The following MAML1 variants were observed in gnomAD, a reference collection of about 807,000 sequenced individuals.
The protein encoded by MAML1 is mastermind-like protein 1.
A neutral mutation model predicts 77.1 loss-of-function variants in MAML1; 14 were observed. The ratio of observed to expected loss-of-function variants is 0.18; its 90% confidence interval spans 0.12 to 0.28. The LOEUF (loss-of-function observed/expected upper bound fraction) is 0.28, where lower values mean the gene tolerates loss of function less well. MAML1 is among the 10% of genes least tolerant of loss of function. The pLI, the probability that MAML1 is intolerant of heterozygous loss-of-function variation, is 1.00. For synonymous variants in MAML1, 516 were observed against 551.9 expected, an observed-to-expected ratio of 0.93 and a Z score of 0.91; for missense variants, 1,217 against 1,327.8, an observed-to-expected ratio of 0.92 and a Z score of 1.30.
rs1266400148 is a variant in MAML1 at position 179,733,358 on chromosome 5, C to T, written c.246C>T (p.Ala82=). Residue 82 remains alanine (A), a synonymous_variant, in exon 1 of 5, where the codon GCC becomes GCT. Transcript: ENST00000292599. ...GKHRQPPAAT[A]PAPAAPAPRL... is the part of the protein sequence containing the mutation. Reference sequence around the variant, plus strand: ...ACAGGCAGCCGCCCGCCGCCACGGCCCCGGCGCCCGCCGCCCCGGCCCCGC... The same window carrying T: ...ACAGGCAGCCGCCCGCCGCCACGGCTCCGGCGCCCGCCGCCCCGGCCCCGC... 69 of 1,243,902 alleles carry T rather than the reference C, an allele frequency of 5.5e-5. No homozygotes were observed. Among genetic ancestry groups the T allele is most frequent in the Non-Finnish European group, 6.8e-5 (68 of 996,194 alleles). 77.1% of individuals were successfully genotyped at this position (1,243,902 alleles called of 1,614,324 possible).
intron 1 of MAML1, among the ~76,000 whole-genome samples, chr5:179,746,212 G>A (rs1320474873): frequency 6.6e-6 from 1 of 151,776 alleles, no homozygotes; most frequent in African/African-American, 2.4e-5. Flanking sequence ...CGGGTGTGGT[G>A]GCTGTTGCCT....
chr5:179,734,562 G>T lies in MAML1; in HGVS notation c.315+1135G>T, dbSNP rs147546565. On this transcript the variant is annotated intron_variant, in intron 1 of 4. Coordinates refer to ENST00000292599, the MANE Select transcript of MAML1 (RefSeq NM_014757.5). The stretch of plus-strand genomic sequence containing the variant: ...AACCACTCAGATTTCATTGCTTATT[G>T]TATCAACTGGTCAAGCCTTCTCATC... 6.1e-3 allele frequency among the ~76,000 whole-genome samples: 931 copies of T among 152,290 alleles called. 6 individuals carry two copies. Among genetic ancestry groups the T allele is most frequent in the Middle Eastern group, 0.014 (4 of 294 alleles).
At position 179,765,421 on chromosome 5, in the gene MAML1, T is replaced by G. The variant is rs1779798429; in HGVS notation, c.411T>G (p.His137Gln). 6.2e-7 allele frequency: 1 copy of G among 1,614,102 alleles called. No individual in the cohort carries two copies. Among genetic ancestry groups the G allele is most frequent in the Non-Finnish European group, 8.5e-7 (1 of 1,180,038 alleles). The change falls in exon 2 of 5, where the codon CAT becomes CAG. Residue 137 changes from histidine to glutamine, a missense_variant. Coordinates refer to ENST00000292599, the MANE Select transcript of MAML1 (RefSeq NM_014757.5). ...GCTACGGGGACCTCTTTCCTGGGCA[T>G]AAGAAGACTCGCCGGGAGGCCCCTC... ...QNGYGDLFPG[H>Q]KKTRREAPLG...
At chr5:179,764,988 T>TA (rs1407814446) in intron 1 of MAML1, among the ~76,000 whole-genome samples, 35 of 105,466 alleles carry the variant, frequency 3.3e-4, no homozygotes, top group East Asian at 1.8e-3. Context: ...ATATATATAA[T>TA]ATATATATGT....
rs1212448976 is a variant in MAML1, at chr5:179,766,786, C to G, written c.1731+45C>G. 3.4e-6 allele frequency: 5 copies of G among 1,449,724 alleles called. No homozygotes were observed. The highest frequency in any genetic ancestry group is 4.6e-6 in the Non-Finnish European group (5 of 1,081,768). 89.8% of individuals were successfully genotyped at this position (1,449,724 alleles called of 1,614,324 possible). A position where few individuals can be genotyped will look rare whatever the true frequency, so the allele number is the denominator to read the frequency against. ...TTCTGTTCCTCTGCTGCAGACACTT[C>G]AGTGAGGTTACTCACTACTTTGGAT... On this transcript the variant is annotated intron_variant, in intron 2 of 4. Transcript: ENST00000292599. This position sits in a 1 kb window ranked among gnomAD's most constrained non-coding sequence, Gnocchi z 4.0.
At chr5:179,742,170 G>C (rs1412998542) in intron 1 of MAML1, among the ~76,000 whole-genome samples, 3 of 150,576 alleles carry the variant, frequency 2.0e-5, no homozygotes, top group Non-Finnish European at 4.4e-5. Flanking sequence ...ACCGCACCTG[G>C]CCAACAAACT....
At position 179,766,048 on chromosome 5, in the gene MAML1, C is replaced by G. The variant is rs200781660; in HGVS notation, c.1038C>G (p.Thr346=). 7.5e-6 allele frequency: 12 copies of G among 1,590,062 alleles called. No homozygotes were observed. The African/African-American group carries it at 1.6e-4, about 22-fold the overall frequency. ...TDSPSLGGSQ[T]LFHTSGQPRA... is the part of the protein sequence containing the mutation. ...CCCCCAGCCTAGGGGGCTCCCAAAC[C>G]TTATTCCACACCTCTGGTCAGCCCC... The change falls in exon 2 of 5, where the codon ACC becomes ACG. Residue 346 remains threonine (T), a synonymous_variant. Transcript: ENST00000292599. This position sits in a 1 kb window ranked among gnomAD's most constrained non-coding sequence, Gnocchi z 4.0.
At chr5:179,763,089 T>C (rs1779750881) in intron 1 of MAML1, among the ~76,000 whole-genome samples, 1 of 152,174 alleles carries the variant, frequency 6.6e-6, no homozygotes, top group Admixed American at 6.5e-5. Flanking sequence ...CCATCTTTCT[T>C]TTTCCCCTAG....
rs958751342 is a variant in MAML1, at chr5:179,777,147, T to C, written c.*2270T>C. On this transcript the variant is annotated 3_prime_UTR_variant, in exon 5 of 5. Transcript: ENST00000292599. ...AACGGTTGGTATTGTTAACTTTTTA[T>C]TGTCATCAAAAGTTCATAAAAGTCC... 1 of 985,472 alleles carries C rather than the reference T, an allele frequency of 1.0e-6. No homozygotes were observed. Among genetic ancestry groups the C allele is most frequent in the African/African-American group, 1.7e-5 (1 of 57,236 alleles). The allele number at this position is 985,472 out of a possible 1,614,324, so 61.0% of individuals were successfully genotyped here. A position where few individuals can be genotyped will look rare whatever the true frequency, so the allele number is the denominator to read the frequency against.
In MAML1 at chr5:179,766,301, C is replaced by A; in HGVS notation, c.1291C>A (p.Gln431Lys). The A allele has an allele frequency of 6.2e-7, 1 of 1,612,862 alleles. No homozygotes were observed. ...AGCCCCGGGCCAGATGTCCACATGG[C>A]AGCAGACGGGGCCCTCCCACAGTTC... ...APAPGQMSTW[Q>K]QTGPSHSSLD... Residue 431 changes from glutamine (Q) to lysine (K), a missense_variant, in exon 2 of 5, where the codon CAG becomes AAG. Physicochemically the swap from Gln to Lys is moderately conservative, Grantham distance 53 (BLOSUM62 1). This residue lies in a region of MAML1 where 884 missense variants were observed against 949.3 expected (regional missense o/e 0.93). Transcript: ENST00000292599. The surrounding 1 kb of genome is among the most constrained non-coding windows in gnomAD (Gnocchi z 4.0).
In MAML1 at chr5:179,733,165, C is replaced by T. The variant is rs1779098971; in HGVS notation, c.53C>T (p.Ala18Val). Residue 18 changes from alanine to valine, a missense_variant, in exon 1 of 5, where the codon GCG becomes GTG. By Grantham distance (64) the Ala-to-Val change is moderately conservative. This residue lies in a region of MAML1 where 312 missense variants were observed against 331.4 expected (regional missense o/e 0.94). Coordinates refer to ENST00000292599, the MANE Select transcript of MAML1 (RefSeq NM_014757.5). ...MAEFALPRHS[A>V]VMERLRRRIE... Reference sequence around the variant, plus strand: ...GAGTTCGCGCTGCCGCGGCACAGCGCGGTCATGGAGCGCCTTCGCCGGCGC... The same window carrying T: ...GAGTTCGCGCTGCCGCGGCACAGCGTGGTCATGGAGCGCCTTCGCCGGCGC... 1.4e-6 allele frequency: 2 copies of T among 1,465,562 alleles called. No individual in the cohort carries two copies. The highest frequency in any genetic ancestry group is 2.3e-5 in the Admixed American group (1 of 43,770). 90.8% of individuals were successfully genotyped at this position (1,465,562 alleles called of 1,614,324 possible). A position where few individuals can be genotyped will look rare whatever the true frequency, so the allele number is the denominator to read the frequency against.
At chr5:179,773,071 G>C (rs551891165) in intron 4 of MAML1, among the ~76,000 whole-genome samples, 3 of 152,210 alleles carry the variant, frequency 2.0e-5, no homozygotes, top group African/African-American at 7.2e-5. Flanking sequence ...TTTTAGTAGA[G>C]ACAGGGTTTC....
Position 179,769,663 on chromosome 5 carries a change from C to T in MAML1, c.1971+574C>T, listed in dbSNP as rs1011442307. ...CACCTCATGGGTTCATGCAATTCTCCTGCCTCAGCCTCCCGAGTAGCTGGG... is the reference window on the plus strand; with the variant it reads ...CACCTCATGGGTTCATGCAATTCTCTTGCCTCAGCCTCCCGAGTAGCTGGG... On this transcript the variant is annotated intron_variant, in intron 3 of 4. Transcript: ENST00000292599. This position sits in a 1 kb window ranked among gnomAD's most constrained non-coding sequence, Gnocchi z 4.2. Among the ~76,000 whole-genome samples the T allele has an allele frequency of 1.3e-5, 2 of 152,098 alleles. No homozygotes were observed. Among genetic ancestry groups the T allele is most frequent in the African/African-American group, 4.8e-5 (2 of 41,414 alleles).
Position 179,776,147 on chromosome 5 carries a change from C to A in MAML1, c.*1270C>A, listed in dbSNP as rs1412369093. ...AGATGGAGAGAGCACTTCCCCGTAA[C>A]GAAAGCAAAGTGGTAAGCACAGGGT... is the stretch of plus-strand genomic sequence containing the variant. On this transcript the variant is annotated 3_prime_UTR_variant, in exon 5 of 5. Transcript: ENST00000292599. 1.2e-5 allele frequency: 12 copies of A among 985,878 alleles called. No homozygotes were observed. The highest frequency in any genetic ancestry group is 1.4e-5 in the Non-Finnish European group (12 of 829,946). 61.1% of individuals were successfully genotyped at this position (985,878 alleles called of 1,614,324 possible).
At chr5:179,764,993 A>ATGTGTGTG (rs555130074) in intron 1 of MAML1, among the ~76,000 whole-genome samples, 71 of 109,406 alleles carry the variant, frequency 6.5e-4, no homozygotes, top group South Asian at 7.5e-4. Flanking sequence ...TATAATATAT[A>ATGTGTGTG]TATGTGTGTG....
Position 179,775,180 on chromosome 5 carries a change from A to G in MAML1, c.*303A>G. 1 of 1,112,678 alleles carries G rather than the reference A, an allele frequency of 9.0e-7. No individual in the cohort carries two copies. The allele number at this position is 1,112,678 out of a possible 1,614,324, so 68.9% of individuals were successfully genotyped here. ...CGACCAAAAAACCAACAGTAACACC[A>G]GTGAAACCCCACACTGTCGGGCTTA... On this transcript the variant is annotated 3_prime_UTR_variant, in exon 5 of 5. Transcript: ENST00000292599.
chr5:179,742,170 G>A (rs1412998542), intron 1 of MAML1, among the ~76,000 whole-genome samples: 1 of 150,576 alleles, frequency 6.6e-6, no homozygotes, highest in African/African-American at 2.4e-5. Flanking sequence ...ACCGCACCTG[G>A]CCAACAAACT....
At chr5:179,764,288 C>T (rs1176196360) in intron 1 of MAML1, among the ~76,000 whole-genome samples, 2 of 152,074 alleles carry the variant, frequency 1.3e-5, no homozygotes, top group African/African-American at 4.8e-5. Context: ...GGCATGAATC[C>T]ATCGAGGAGC....
intron 1 of MAML1, among the ~76,000 whole-genome samples, chr5:179,748,012 T>C (rs906721604): frequency 6.6e-6 from 1 of 152,090 alleles, no homozygotes; most frequent in African/African-American, 2.4e-5. Context: ...GGGGAGTTGT[T>C]CATGGATATA....
Sources: allele counts gnomAD v4.1 joint callset (sites outside exome capture counted in the v4.1 genomes callset), GRCh38; gene constraint gnomAD v4.1.1; regional missense constraint gnomAD v4.1.1; non-coding constraint Gnocchi (gnomAD v3.1); transcripts MANE v1.5; gene names NCBI Gene and HGNC (gene_info 2026-07-23, HGNC 2026-07-21).